Variants in RIMS1 observed in about 807,000 individuals in gnomAD.
RIMS1 encodes regulating synaptic membrane exocytosis 1.
Under a neutral mutation model 214.1 loss-of-function variants are expected in RIMS1, and 83 were observed. That is an observed-to-expected ratio of 0.39 (90% CI 0.32 to 0.47). The LOEUF (loss-of-function observed/expected upper bound fraction) is 0.47. Ranked by LOEUF, RIMS1 falls within the 20% of genes least tolerant of loss-of-function variation. The pLI is 0.99. For missense variants in RIMS1, 2,050 were observed against 2,161.8 expected (o/e 0.95, Z 1.03); for synonymous variants, 793 against 786.8 (o/e 1.01, Z -0.13).
chr6:72,291,603 A>G (rs2093399907), intron 25 of RIMS1, among the ~76,000 whole-genome samples: 1 of 152,142 alleles, frequency 6.6e-6, no homozygotes. Context: ...AGAGGCTGTA[A>G]TTAGATGTAT....
chr6:72,044,096 T>A (rs988603922), intron 2 of RIMS1, among the ~76,000 whole-genome samples: 3 of 151,616 alleles, frequency 2.0e-5, no homozygotes, highest in African/African-American at 7.3e-5. Flanking sequence ...AATAAATAGG[T>A]TTTTTAATTA....
At chr6:71,927,485 G>A (rs1468857277) in intron 1 of RIMS1, among the ~76,000 whole-genome samples, 1 of 152,096 alleles carries the variant, frequency 6.6e-6, no homozygotes, top group African/African-American at 2.4e-5. Flanking sequence ...GGTGAATAAA[G>A]GCAGATGTTA....
chr6:71,953,050 G>A (rs1790120811), intron 1 of RIMS1, among the ~76,000 whole-genome samples: 1 of 150,634 alleles, frequency 6.6e-6, no homozygotes. Context: ...GCATTGGTGC[G>A]ATCTCGGCTC....
chr6:72,240,630 CTTTTTTTT>C (rs11344285), intron 9 of RIMS1, among the ~76,000 whole-genome samples: 2 of 82,506 alleles, frequency 2.4e-5, no homozygotes, highest in Admixed American at 1.4e-4. Flanking sequence ...TTTCTTTTTT[CTTTTTTTT>C]TTTTTTTTTT....
chr6:72,286,631 A>G (rs1037504835), intron 24 of RIMS1, among the ~76,000 whole-genome samples: 2 of 152,242 alleles, frequency 1.3e-5, no homozygotes, highest in African/African-American at 4.8e-5. Flanking sequence ...GCAGGTTACA[A>G]AAGAAGAACT....
At position 72,182,596 on chromosome 6, in the gene RIMS1, G is replaced by A. The variant is rs866530205; in HGVS notation, c.1125G>A (p.Met375Ile). Residue 375 changes from methionine (M) to isoleucine (I), a missense_variant, in exon 6 of 34, where the codon ATG becomes ATA. Physicochemically the swap from Met to Ile is conservative, Grantham distance 10 (BLOSUM62 1). Around this residue, in one of 6 missense-constraint regions of RIMS1, gnomAD observed 882 missense variants for 828.9 expected, o/e 1.06. Transcript: ENST00000521978. ...PVKPPPEEQQ[M>I]RMHARVSRAR... is the part of the protein sequence containing the mutation. ...AACCGCCGCCTGAGGAGCAGCAGATGCGCATGCACGCCCGGGTGTCCCGCG... is the reference window on the plus strand; with the variant it reads ...AACCGCCGCCTGAGGAGCAGCAGATACGCATGCACGCCCGGGTGTCCCGCG... 1 of 1,548,574 alleles carries A rather than the reference G, an allele frequency of 6.5e-7. No individual in the cohort carries two copies. Among genetic ancestry groups the A allele is most frequent in the African/African-American group, 1.4e-5 (1 of 72,976 alleles).
At chr6:72,388,066 A>G (rs1465441090) in intron 29 of RIMS1, among the ~76,000 whole-genome samples, 1 of 152,260 alleles carries the variant, frequency 6.6e-6, no homozygotes, top group East Asian at 1.9e-4. Flanking sequence ...GAGGAATAAC[A>G]GTGAACAATA....
intron 6 of RIMS1, among the ~76,000 whole-genome samples, chr6:72,206,564 G>GTC (rs78522484): frequency 0.45 from 68,900 of 151,850 alleles, 17,974 homozygotes; most frequent in Non-Finnish European, 0.59. Flanking sequence ...GTCAGGGCAT[G>GTC]CTTTGTTAAT....
intron 23 of RIMS1, among the ~76,000 whole-genome samples, chr6:72,280,981 T>G (rs1341145332): frequency 6.6e-6 from 1 of 152,114 alleles, no homozygotes; most frequent in Non-Finnish European, 1.5e-5. Flanking sequence ...GTGGTATTAT[T>G]GCCACTTTTT....
intron 4 of RIMS1, among the ~76,000 whole-genome samples, chr6:72,161,229 G>T (rs1217836373): frequency 7.1e-6 from 1 of 140,486 alleles, no homozygotes; most frequent in Non-Finnish European, 1.6e-5. Context: ...GATTGGTGGT[G>T]ATATCCCCTT....
chr6:71,917,332 A>C (rs973970671), intron 1 of RIMS1, among the ~76,000 whole-genome samples: 1 of 152,178 alleles, frequency 6.6e-6, no homozygotes, highest in African/African-American at 2.4e-5. Context: ...TTGTCAGGAA[A>C]GCCTTCCCTG....
chr6:72,091,550 T>C (rs1836235262), intron 2 of RIMS1, among the ~76,000 whole-genome samples: 1 of 152,220 alleles, frequency 6.6e-6, no homozygotes, highest in Non-Finnish European at 1.5e-5. Flanking sequence ...TATAGAATAA[T>C]ATTTAGTTTT....
At chr6:72,339,016 G>C (rs1180564463) in intron 29 of RIMS1, among the ~76,000 whole-genome samples, 2 of 151,964 alleles carry the variant, frequency 1.3e-5, no homozygotes, top group Middle Eastern at 3.4e-3. Flanking sequence ...GGGATGAATG[G>C]CATACTGTTC....
At chr6:72,335,043 G>T (rs2096792345) in intron 29 of RIMS1, among the ~76,000 whole-genome samples, 1 of 151,754 alleles carries the variant, frequency 6.6e-6, no homozygotes, top group African/African-American at 2.4e-5. Flanking sequence ...GGTGCTTCCT[G>T]GTTTTTGGTG....
chr6:72,387,428 G>C (rs2098632708), intron 29 of RIMS1, among the ~76,000 whole-genome samples: 1 of 152,142 alleles, frequency 6.6e-6, no homozygotes, highest in East Asian at 1.9e-4. Flanking sequence ...ATACCCCTGG[G>C]GCTTACCCCT....
intron 2 of RIMS1, among the ~76,000 whole-genome samples, chr6:72,025,783 G>C (rs1018852259): frequency 2.6e-5 from 4 of 152,174 alleles, no homozygotes; most frequent in African/African-American, 9.7e-5. Flanking sequence ...AGTGGTTCAG[G>C]CTTGGATTCT....
chr6:71,998,884 T>A (rs1804274751), intron 2 of RIMS1, among the ~76,000 whole-genome samples: 1 of 152,136 alleles, frequency 6.6e-6, no homozygotes, highest in South Asian at 2.1e-4. Context: ...TCTCATTCAT[T>A]AAACTAAATT....
At chr6:72,010,151 C>G (rs1353607217) in intron 2 of RIMS1, among the ~76,000 whole-genome samples, 2 of 152,158 alleles carry the variant, frequency 1.3e-5, no homozygotes, top group Admixed American at 1.3e-4. Context: ...TGGGCTTCAT[C>G]CTGGGATGCA....
At chr6:72,079,900 A>G (rs559445464) in intron 2 of RIMS1, among the ~76,000 whole-genome samples, 4 of 151,090 alleles carry the variant, frequency 2.6e-5, no homozygotes, top group South Asian at 2.1e-4. Flanking sequence ...CAATCAATCA[A>G]TAAAATAAAA....
Sources: allele counts gnomAD v4.1 joint callset (sites outside exome capture counted in the v4.1 genomes callset), GRCh38; gene constraint gnomAD v4.1.1; regional missense constraint gnomAD v4.1.1; transcripts MANE v1.5; gene names NCBI Gene and HGNC (gene_info 2026-07-23, HGNC 2026-07-21).